CCNB2: variants seen among roughly 807,000 people sequenced by gnomAD.
CCNB2 encodes G2/mitotic-specific cyclin-B2.
A neutral mutation model predicts 51.1 loss-of-function variants in CCNB2; 39 were observed. The ratio of observed to expected loss-of-function variants is 0.76; its 90% CI spans 0.59 to 1.00. CCNB2 has a LOEUF of 1.00. Among genes scored for constraint, CCNB2 ranks in the 50% least tolerant of loss-of-function variants. The pLI is 0.00. For missense variants in CCNB2, 472 were observed against 470.3 expected (o/e 1.00, Z -0.03); for synonymous variants, 174 against 165.5 (o/e 1.05, Z -0.40).
rs1343907146 is a variant in CCNB2, at chr15:59,114,446, T to G, written c.270T>G (p.Gly90=). 2.5e-6 allele frequency: 4 copies of G among 1,595,308 alleles called. No homozygotes were observed. The highest frequency in any genetic ancestry group is 2.7e-5 in the African/African-American group (2 of 74,180). ...TGTGCCTAAATTTGTTGGTGTAGGG[T>G]CCTTCTCCCACACCTGAGGATGTCT... ...PVQMEKLAPK[G]PSPTPEDVSM... Residue 90 remains glycine, a splice_region_variant and synonymous_variant, in exon 4 of 9, where the codon GGT becomes GGG. Transcript: ENST00000288207.
At chr15:59,117,065 G>T (rs2079282274) in intron 6 of CCNB2, 139 bp downstream of exon 6, 15 of 965,602 alleles carry the variant, frequency 1.6e-5, no homozygotes, top group Non-Finnish European at 2.2e-5. Context: ...GTTCTTAAGA[G>T]AAAAGGCCTC....
chr15:59,112,072 A>G (rs1439630578), intron 3 of CCNB2, among the ~76,000 whole-genome samples: 2 of 151,942 alleles, frequency 1.3e-5, no homozygotes, highest in African/African-American at 4.8e-5. Flanking sequence ...AGCTGGCCTC[A>G]AACTCCTGAG....
chr15:59,108,842 A>G (rs2079246248), intron 3 of CCNB2, among the ~76,000 whole-genome samples: 1 of 152,306 alleles, frequency 6.6e-6, no homozygotes, highest in East Asian at 1.9e-4. Context: ...TTTGCTCTTT[A>G]TGAGAACTAA....
chr15:59,120,656 TAGAG>T (rs1340783737), intron 7 of CCNB2, among the ~76,000 whole-genome samples: 73 of 151,252 alleles, frequency 4.8e-4, no homozygotes, highest in Admixed American at 1.7e-3. Context: ...AGTAGAATGA[TAGAG>T]TTAGAAACCA....
intron 3 of CCNB2, among the ~76,000 whole-genome samples, chr15:59,111,760 C>A (rs183011424): frequency 0.01 from 1,578 of 152,224 alleles, 10 homozygotes; most frequent in Non-Finnish European, 0.016. Context: ...TAAGGTCTTA[C>A]CGTCTCTGGT....
Position 59,107,584 on chromosome 15 carries a change from C to A in CCNB2, c.181C>A (p.Gln61Lys), listed in dbSNP as rs1399646925. 1.2e-6 allele frequency: 2 copies of A among 1,614,032 alleles called. No individual in the cohort carries two copies. Among genetic ancestry groups the A allele is most frequent in the East Asian group, 2.2e-5 (1 of 44,888 alleles). Residue 61 changes from glutamine to lysine, a missense_variant, in exon 3 of 9, where the codon CAA becomes AAA. Coordinates refer to ENST00000288207, the MANE Select transcript of CCNB2 (RefSeq NM_004701.4). ...KKAQNTKVPV[Q>K]PTKTTNVNKQ... ...AGCTCAGAACACCAAAGTTCCAGTT[C>A]AACCCACCAAAACAACAAATGTCAA...
At chr15:59,108,161 A>G (rs1486474549) in intron 3 of CCNB2, among the ~76,000 whole-genome samples, 3 of 152,230 alleles carry the variant, frequency 2.0e-5, no homozygotes, top group Non-Finnish European at 2.9e-5. Flanking sequence ...TGGAGAACAA[A>G]GTAGCAACAA....
Position 59,107,571 on chromosome 15 carries a change from C to A in CCNB2, c.168C>A (p.Thr56=). ...TTTCCTTATAGAAAGCTCAGAACACCAAAGTTCCAGTTCAACCCACCAAAA... is the reference window on the plus strand; with the variant it reads ...TTTCCTTATAGAAAGCTCAGAACACAAAAGTTCCAGTTCAACCCACCAAAA... ...AAQVAKKAQN[T]KVPVQPTKTT... is the part of the protein sequence containing the mutation. The change falls in exon 3 of 9, where the codon ACC becomes ACA. Residue 56 remains threonine (T), a synonymous_variant. Coordinates refer to ENST00000288207, the MANE Select transcript of CCNB2 (RefSeq NM_004701.4). 5 of 1,614,120 alleles carry A rather than the reference C, an allele frequency of 3.1e-6. No homozygotes were observed. Among genetic ancestry groups the A allele is most frequent in the Non-Finnish European group, 4.2e-6 (5 of 1,180,020 alleles).
Position 59,124,880 on chromosome 15 carries a change from T to C in CCNB2, c.*3T>C. 6.5e-7 allele frequency: 1 copy of C among 1,549,134 alleles called. No homozygotes were observed. Among genetic ancestry groups the C allele is most frequent in the Non-Finnish European group, 8.7e-7 (1 of 1,147,678 alleles). On this transcript the variant is annotated 3_prime_UTR_variant, in exon 9 of 9. Coordinates refer to ENST00000288207, the MANE Select transcript of CCNB2 (RefSeq NM_004701.4). ...CCCCACTGATAGGAAGGTCCTAGGCTGCCGTGGCCCCTGGGGATGTGTGCT... is the reference window on the plus strand; with the variant it reads ...CCCCACTGATAGGAAGGTCCTAGGCCGCCGTGGCCCCTGGGGATGTGTGCT...
At position 59,116,940 on chromosome 15, in the gene CCNB2, G is replaced by T. The variant is rs752467738; in HGVS notation, c.834+14G>T. On this transcript the variant is annotated intron_variant, in intron 6 of 8. Transcript: ENST00000288207. ...AAAGCCGGGGAGGTAAGTGCCTCCA[G>T]CTCTGTAAGAGACTATTTTTGCTTG... 20 of 1,586,178 alleles carry T rather than the reference G, an allele frequency of 1.3e-5. No individual in the cohort carries two copies. Among genetic ancestry groups the T allele is most frequent in the Non-Finnish European group, 1.7e-5 (20 of 1,155,728 alleles).
rs1306818611 is a variant in CCNB2, at chr15:59,124,939, C to T, written c.*62C>T. On this transcript the variant is annotated 3_prime_UTR_variant, in exon 9 of 9. Coordinates refer to ENST00000288207, the MANE Select transcript of CCNB2 (RefSeq NM_004701.4). The stretch of plus-strand genomic sequence containing the variant: ...CCCTTTTTCTTATTGGTTTAGAACT[C>T]TTGATTTTGTACATAGTCCTCTGGT... 7 of 1,019,594 alleles carry T rather than the reference C, an allele frequency of 6.9e-6. No homozygotes were observed. The African/African-American group carries it at 1.2e-4, about 17-fold the overall frequency. The allele number at this position is 1,019,594 out of a possible 1,614,324, so 63.2% of individuals were successfully genotyped here.
At chr15:59,119,215 AACAGAAC>A (rs1566957526) in intron 7 of CCNB2, among the ~76,000 whole-genome samples, 1 of 152,190 alleles carries the variant, frequency 6.6e-6, no homozygotes, top group Non-Finnish European at 1.5e-5. Context: ...TGAAATTGGT[AACAGAAC>A]ACAGAGGAAA....
chr15:59,115,542 C>G (rs540286656), intron 5 of CCNB2: 2 of 151,482 alleles, frequency 1.3e-5, no homozygotes, highest in Admixed American at 6.6e-5. Context: ...AAACAATAGC[C>G]CTGCAGATAA....
intron 7 of CCNB2, among the ~76,000 whole-genome samples, chr15:59,117,796 C>G (rs1402730401): frequency 6.6e-6 from 1 of 152,086 alleles, no homozygotes; most frequent in East Asian, 1.9e-4. Context: ...GTCCAAAGTC[C>G]TAAAGGAAAA....
In CCNB2 at chr15:59,107,573, A is replaced by G. The variant is rs1432033469; in HGVS notation, c.170A>G (p.Lys57Arg). The change falls in exon 3 of 9, where the codon AAA (lysine) becomes AGA (arginine). Residue 57 changes from lysine to arginine, a missense_variant. By Grantham distance (26) the Lys-to-Arg change is conservative (BLOSUM62 2). Coordinates refer to ENST00000288207, the MANE Select transcript of CCNB2 (RefSeq NM_004701.4). ...AQVAKKAQNT[K>R]VPVQPTKTTN... ...TCCTTATAGAAAGCTCAGAACACCA[A>G]AGTTCCAGTTCAACCCACCAAAACA... 1 of 1,614,222 alleles carries G rather than the reference A, an allele frequency of 6.2e-7. No individual in the cohort carries two copies. Among genetic ancestry groups the G allele is most frequent in the East Asian group, 2.2e-5 (1 of 44,878 alleles).
At position 59,114,485 on chromosome 15, in the gene CCNB2, G is replaced by A; in HGVS notation, c.309G>A (p.Glu103=). The A allele has an allele frequency of 6.2e-7, 1 of 1,612,584 alleles. No individual in the cohort carries two copies. Among genetic ancestry groups the A allele is most frequent in the East Asian group, 2.2e-5 (1 of 44,892 alleles). The change falls in exon 4 of 9, where the codon GAG becomes GAA. Residue 103 remains glutamate (E), a synonymous_variant. Coordinates refer to ENST00000288207, the MANE Select transcript of CCNB2 (RefSeq NM_004701.4). ...PTPEDVSMKE[E]NLCQAFSDAL... ...CTGAGGATGTCTCCATGAAGGAAGA[G>A]AATCTCTGCCAAGCTTTTTCTGATG...
At position 59,116,847 on chromosome 15, in the gene CCNB2, T is replaced by G; in HGVS notation, c.755T>G (p.Leu252Arg). ...TSSQIREMET[L>R]ILKELKFELG... ...TCCCAAATCCGAGAAATGGAAACTCTAATTTTGAAAGAATTGAAATTTGAG... is the reference window on the plus strand; with the variant it reads ...TCCCAAATCCGAGAAATGGAAACTCGAATTTTGAAAGAATTGAAATTTGAG... Residue 252 changes from leucine (L) to arginine (R), a missense_variant, in exon 6 of 9, where the codon CTA becomes CGA. By Grantham distance (102) the Leu-to-Arg change is moderately radical. Transcript: ENST00000288207. 1 of 1,614,240 alleles carries G rather than the reference T, an allele frequency of 6.2e-7. No homozygotes were observed. The highest frequency in any genetic ancestry group is 8.5e-7 in the Non-Finnish European group (1 of 1,180,032).
Position 59,117,167 on chromosome 15 carries a change from G to A in CCNB2, c.835-61G>A, listed in dbSNP as rs986754173. 1.9e-6 allele frequency: 3 copies of A among 1,572,806 alleles called. No homozygotes were observed. The African/African-American group carries it at 4.0e-5, about 21-fold the overall frequency. ...ATTGGAGTTCCTAGGCCTTCACGCA[G>A]AATTTTGCAAGACAGTAATTACACT... On this transcript the variant is annotated intron_variant, in intron 6 of 8. Transcript: ENST00000288207.
At chr15:59,106,588 T>C (rs1461556726) in intron 1 of CCNB2, among the ~76,000 whole-genome samples, 1 of 152,236 alleles carries the variant, frequency 6.6e-6, no homozygotes, top group Non-Finnish European at 1.5e-5. Context: ...TAGCAAGTTT[T>C]ATTTCCAAGC....
Sources: gnomAD v4.1 joint callset for allele counts (sites outside exome capture counted in the v4.1 genomes callset) on GRCh38, gnomAD v4.1.1 for gene constraint, MANE v1.5 for transcripts, NCBI Gene and HGNC (gene_info 2026-07-23, HGNC 2026-07-21) for gene names.